The following OCSTAMP variants were observed in gnomAD, a reference collection of about 807,000 sequenced individuals.
OCSTAMP encodes the protein osteoclast stimulatory transmembrane protein.
In OCSTAMP, 17 loss-of-function variants were observed where a neutral mutation model predicts 25.2. The ratio of observed to expected loss-of-function variants is 0.68; its 90% CI spans 0.46 to 1.01. OCSTAMP has a LOEUF of 1.01. OCSTAMP is among the 50% of genes least tolerant of loss of function. The pLI is 0.00. For synonymous variants in OCSTAMP, 345 were observed against 318.9 expected, an observed-to-expected ratio of 1.08 and a Z score of -0.87; for missense variants, 664 against 694.6, an observed-to-expected ratio of 0.96 and a Z score of 0.50.
rs2061852557 is a variant in OCSTAMP, at chr20:46,546,290, G to C, written c.84C>G (p.Ala28=). Reference sequence around the variant, plus strand: ...AGGCGTCCCAGGCAGCCTGCAGTGGGGCAAGGGCCTTCCAGAACCCCAAGT... The same window carrying C: ...AGGCGTCCCAGGCAGCCTGCAGTGGCGCAAGGGCCTTCCAGAACCCCAAGT... The part of the protein sequence containing the change: ...SWHLGFWKAL[A]PLQAAWDAFS... The change falls in exon 2 of 3, where the codon GCC becomes GCG. Residue 28 remains alanine, a synonymous_variant. Coordinates refer to ENST00000279028, the MANE Select transcript of OCSTAMP (RefSeq NM_080721.3). 2 of 1,549,876 alleles carry C rather than the reference G, an allele frequency of 1.3e-6. No homozygotes were observed. Among genetic ancestry groups the C allele is most frequent in the South Asian group, 2.4e-5 (2 of 84,002 alleles).
At chr20:46,549,806 C>CTGTGTGTGTGTGTGTGTG (rs767000638) in intron 1 of OCSTAMP, among the ~76,000 whole-genome samples, 8,969 of 142,400 alleles carry the variant, frequency 0.063, 801 homozygotes, top group African/African-American at 0.18. Context: ...TTGTGGCCCA[C>CTGTGTGTGTGTGTGTGTG]TCTGTGTGTG....
Position 46,541,290 on chromosome 20 carries a change from T to A in OCSTAMP, c.1685A>T (p.His562Leu). 1 of 723,326 alleles carries A rather than the reference T, an allele frequency of 1.4e-6. No individual in the cohort carries two copies. The highest frequency in any genetic ancestry group is 2.6e-6 in the Non-Finnish European group (1 of 389,396). The allele number at this position is 723,326 out of a possible 1,614,324, so 44.8% of individuals were successfully genotyped here. A position where few individuals can be genotyped will look rare whatever the true frequency, so the allele number is the denominator to read the frequency against. Residue 562 changes from histidine (H) to leucine (L), a missense_variant, in exon 3 of 3, where the codon CAT (histidine) becomes CTT (leucine). By Grantham distance (99) the His-to-Leu change is moderately conservative (BLOSUM62 -3). Transcript: ENST00000279028. ...DVVRMEGNTG[H>L]DRPG The stretch of plus-strand genomic sequence containing the variant: ...CTTTACCGGTTATCCAGGCCTATCA[T>A]GCCCAGTATTTCCTTCCATCCTGAC...
rs747422696 is a variant in OCSTAMP, at chr20:46,541,606, G to T, written c.1369C>A (p.Gln457Lys). 2.0e-5 allele frequency: 31 copies of T among 1,551,592 alleles called. No individual in the cohort carries two copies. The South Asian group carries it at 3.7e-4, about 18-fold the overall frequency. ...TCCCCTAGGGGCAGCTGCTGGCCTT[G>T]GTGCCTGTCGTGTCTTCGCTGGAGC... ...ARLQRRHDRH[Q>K]GQQLPLGDPS... is the part of the protein sequence containing the mutation. Residue 457 changes from glutamine to lysine, a missense_variant, in exon 3 of 3, where the codon CAA becomes AAA. Physicochemically the swap from Gln to Lys is moderately conservative, Grantham distance 53 (BLOSUM62 1). Coordinates refer to ENST00000279028, the MANE Select transcript of OCSTAMP (RefSeq NM_080721.3).
intron 1 of OCSTAMP, among the ~76,000 whole-genome samples, chr20:46,549,275 G>C (rs143071395): frequency 1.3e-5 from 2 of 152,174 alleles, no homozygotes; most frequent in African/African-American, 4.8e-5. Context: ...CTATAAAACT[G>C]CACCACTTGT....
At chr20:46,549,330 G>T (rs1445553714) in intron 1 of OCSTAMP, among the ~76,000 whole-genome samples, 1 of 152,206 alleles carries the variant, frequency 6.6e-6, no homozygotes, top group Non-Finnish European at 1.5e-5. Flanking sequence ...TTTCACTCGA[G>T]TCTCCTCTGT....
rs1203071845 is a variant in OCSTAMP at position 46,541,124 on chromosome 20, G to A, written c.*150C>T. The A allele has an allele frequency of 3.3e-6, 2 of 604,450 alleles. No individual in the cohort carries two copies. Among genetic ancestry groups the A allele is most frequent in the Non-Finnish European group, 6.0e-6 (2 of 333,572 alleles). 37.4% of individuals were successfully genotyped at this position (604,450 alleles called of 1,614,324 possible). ...TTTGAGGCATATAAATAAGTTCCAGGAGCATTTCGAGAAATTCATGATGCA... is the reference window on the plus strand; with the variant it reads ...TTTGAGGCATATAAATAAGTTCCAGAAGCATTTCGAGAAATTCATGATGCA... On this transcript the variant is annotated 3_prime_UTR_variant, in exon 3 of 3. Transcript: ENST00000279028.
At position 46,542,976 on chromosome 20, in the gene OCSTAMP, C is replaced by T. The variant is rs1181861001; in HGVS notation, c.1048-1049G>A. ...CCTCAAAACTTGCTGAGTGAGGGCC[C>T]GCAGCTTGCAAGAAAATGCTGGAAA... On this transcript the variant is annotated intron_variant, in intron 2 of 2. Transcript: ENST00000279028. 2.6e-5 allele frequency among the ~76,000 whole-genome samples: 4 copies of T among 152,094 alleles called. No individual in the cohort carries two copies. The East Asian group carries it at 7.7e-4, about 29-fold the overall frequency.
At chr20:46,543,955 T>C (rs1430129926) in intron 2 of OCSTAMP, among the ~76,000 whole-genome samples, 1 of 152,114 alleles carries the variant, frequency 6.6e-6, no homozygotes, top group Non-Finnish European at 1.5e-5. Context: ...ATGCCTGTAA[T>C]CCCAACACTT....
At chr20:46,543,937 G>A (rs989570003) in intron 2 of OCSTAMP, among the ~76,000 whole-genome samples, 1 of 152,110 alleles carries the variant, frequency 6.6e-6, no homozygotes, top group Non-Finnish European at 1.5e-5. Flanking sequence ...GGCCAGGCAT[G>A]GTGGCTTATG....
chr20:46,542,841 C>CA (rs1264312090), intron 2 of OCSTAMP, among the ~76,000 whole-genome samples: 3 of 152,084 alleles, frequency 2.0e-5, no homozygotes, highest in Non-Finnish European at 4.4e-5. Flanking sequence ...CCAAATGGTT[C>CA]AAATGAATGC....
In OCSTAMP at chr20:46,541,702, G is replaced by A. The variant is rs1382089772; in HGVS notation, c.1273C>T (p.Leu425=). ...AAGGAAGCGGCGATGGCATGCCGCA[G>A]GCGGCGGGCGTAGGCCTCCAGGAGC... The part of the protein sequence containing the change: ...TVLLEAYARR[L]RHAIAASFFT... Residue 425 remains leucine (L), a synonymous_variant, in exon 3 of 3, where the codon CTG becomes TTG. Transcript: ENST00000279028. 1 of 1,549,118 alleles carries A rather than the reference G, an allele frequency of 6.5e-7. No homozygotes were observed. Among genetic ancestry groups the A allele is most frequent in the Non-Finnish European group, 8.7e-7 (1 of 1,146,794 alleles).
rs1464179927 is a variant in OCSTAMP, at chr20:46,549,788, G to A, written c.44+729C>T. Reference sequence around the variant, plus strand: ...CCTAAAGGCTGAATCATATGCAAATGTGCCTTATTGTGGCCCACTCTGTGT... The same window carrying A: ...CCTAAAGGCTGAATCATATGCAAATATGCCTTATTGTGGCCCACTCTGTGT... On this transcript the variant is annotated intron_variant, in intron 1 of 2. Coordinates refer to ENST00000279028, the MANE Select transcript of OCSTAMP (RefSeq NM_080721.3). Among the ~76,000 whole-genome samples, 15 of 142,930 alleles carry A rather than the reference G, an allele frequency of 1.0e-4. No individual in the cohort carries two copies. In the East Asian group the frequency reaches 2.2e-3, roughly 21 times the overall value. 93.8% of individuals were successfully genotyped at this position (142,930 alleles called of 152,430 possible). A position where few individuals can be genotyped will look rare whatever the true frequency, so the allele number is the denominator to read the frequency against.
rs2061831269 is a variant in OCSTAMP at position 46,540,953 on chromosome 20, T to C, written c.*321A>G. 2 of 283,986 alleles carry C rather than the reference T, an allele frequency of 7.0e-6. No individual in the cohort carries two copies. The highest frequency in any genetic ancestry group is 4.3e-5 in the African/African-American group (2 of 46,880). The allele number at this position is 283,986 out of a possible 1,614,324, so 17.6% of individuals were successfully genotyped here. On this transcript the variant is annotated 3_prime_UTR_variant, in exon 3 of 3. Transcript: ENST00000279028. ...GAAATTCAAGTTGAACTGAGTGTCCTATATTTTAATTTGGCAAAATCTAAT... is the reference window on the plus strand; with the variant it reads ...GAAATTCAAGTTGAACTGAGTGTCCCATATTTTAATTTGGCAAAATCTAAT...
intron 2 of OCSTAMP, 34 bp from the exon 3 acceptor site, chr20:46,541,961 G>A: frequency 7.1e-7 from 1 of 1,411,330 alleles, no homozygotes; most frequent in South Asian, 1.6e-5. Flanking sequence ...GGTCAACTGA[G>A]GGCCTCTCTG....
chr20:46,549,974 G>A (rs2061865541), intron 1 of OCSTAMP, among the ~76,000 whole-genome samples: 1 of 152,116 alleles, frequency 6.6e-6, no homozygotes, highest in South Asian at 2.1e-4. Context: ...CCTTTGACAG[G>A]GGAGCAGCCC....
intron 2 of OCSTAMP, 118 bp from the exon 3 acceptor site, chr20:46,542,045 C>G: frequency 7.5e-7 from 1 of 1,337,872 alleles, no homozygotes; most frequent in Non-Finnish European, 9.5e-7. Context: ...CAGAAATAAC[C>G]CGTTTCCCAG....
rs1568899632 is a variant in OCSTAMP at position 46,550,505 on chromosome 20, C to T, written c.44+12G>A. 1.3e-6 allele frequency: 2 copies of T among 1,551,132 alleles called. No individual in the cohort carries two copies. The highest frequency in any genetic ancestry group is 1.4e-5 in the African/African-American group (1 of 73,034). On this transcript the variant is annotated intron_variant, in intron 1 of 2. Transcript: ENST00000279028. ...ACCTGTAGCCCTCAGTGTCCAAAGT[C>T]CCCAGACCTACCCGGTCTTGACAAG... is the stretch of plus-strand genomic sequence containing the variant.
chr20:46,545,697 T>G lies in OCSTAMP; in HGVS notation c.677A>C (p.Gln226Pro). Residue 226 changes from glutamine to proline, a missense_variant, in exon 2 of 3, where the codon CAG (glutamine) becomes CCG (proline). Gln to Pro is a moderately conservative substitution (Grantham distance 76, BLOSUM62 -1). Coordinates refer to ENST00000279028, the MANE Select transcript of OCSTAMP (RefSeq NM_080721.3). ...CATAAACAGCCCTGTGACCACTCGC[T>G]GGGTCCCTAGCGCTGCTGCCCGGGC... The part of the protein sequence containing the change: ...SLARAAALGT[Q>P]RVVTGLFMLG... The G allele has an allele frequency of 6.4e-7, 1 of 1,551,640 alleles. No homozygotes were observed. The highest frequency in any genetic ancestry group is 8.7e-7 in the Non-Finnish European group (1 of 1,146,976).
chr20:46,545,763 G>A lies in OCSTAMP; in HGVS notation c.611C>T (p.Thr204Ile), dbSNP rs1322037873. The change falls in exon 2 of 3, where the codon ACT becomes ATT. Residue 204 changes from threonine to isoleucine, a missense_variant. By Grantham distance (89) the Thr-to-Ile change is moderately conservative (BLOSUM62 -1). Coordinates refer to ENST00000279028, the MANE Select transcript of OCSTAMP (RefSeq NM_080721.3). ...AGAGAAATCCTCCAGGACCTGCTGA[G>A]TGACCCTGAGCATGTGAAGGTAGAA... The part of the protein sequence containing the change: ...SAFYLHMLRV[T>I]QQVLEDFSGL... 1.7e-5 allele frequency: 26 copies of A among 1,551,460 alleles called. No individual in the cohort carries two copies. The highest frequency in any genetic ancestry group is 1.7e-5 in the Non-Finnish European group (20 of 1,147,004).
Sources: allele counts gnomAD v4.1 joint callset (sites outside exome capture counted in the v4.1 genomes callset), GRCh38; gene constraint gnomAD v4.1.1; transcripts MANE v1.5; gene names NCBI Gene and HGNC (gene_info 2026-07-23, HGNC 2026-07-21).